The following PPARD variants were observed in gnomAD, a reference collection of about 807,000 sequenced individuals.
PPARD encodes peroxisome proliferator activated receptor delta.
A neutral mutation model predicts 39.5 loss-of-function variants in PPARD; 6 were observed. That is an observed-to-expected ratio of 0.15 (90% confidence interval 0.08 to 0.30). The LOEUF (loss-of-function observed/expected upper bound fraction) is 0.30, where lower values mean the gene tolerates loss of function less well. Ranked by LOEUF, PPARD falls within the 10% of genes least tolerant of loss-of-function variation. The pLI, the probability that PPARD is intolerant of heterozygous loss-of-function variation, is 1.00. For synonymous variants in PPARD, 210 were observed against 231.3 expected (o/e 0.91, Z 0.83); for missense variants, 397 against 596.8 (o/e 0.67, Z 3.49).
intron 2 of PPARD, among the ~76,000 whole-genome samples, chr6:35,380,562 C>T (rs1401230712): frequency 7.2e-6 from 1 of 138,050 alleles, no homozygotes; most frequent in Non-Finnish European, 1.5e-5. Context: ...AATCTCGGCT[C>T]ACTGCAGCCT....
chr6:35,413,270 G>A (rs776071523), intron 3 of PPARD, among the ~76,000 whole-genome samples: 2 of 152,182 alleles, frequency 1.3e-5, no homozygotes, highest in Non-Finnish European at 2.9e-5. Context: ...AGGGCACAGC[G>A]GGAAACGTCC....
At chr6:35,406,570 C>G (rs1411236310) in intron 2 of PPARD, among the ~76,000 whole-genome samples, 1 of 152,180 alleles carries the variant, frequency 6.6e-6, no homozygotes, top group Admixed American at 6.5e-5. Flanking sequence ...TTTAGAACAG[C>G]CAGGCTACAG....
chr6:35,399,153 AGCACTTT>A (rs1349736935), intron 2 of PPARD, among the ~76,000 whole-genome samples: 1 of 152,132 alleles, frequency 6.6e-6, no homozygotes, highest in Non-Finnish European at 1.5e-5. Flanking sequence ...CTGTAATCCC[AGCACTTT>A]GGGAGGCCGA....
At chr6:35,404,033 G>C (rs1283372410) in intron 2 of PPARD, among the ~76,000 whole-genome samples, 6 of 152,200 alleles carry the variant, frequency 3.9e-5, no homozygotes, top group Non-Finnish European at 8.8e-5. Context: ...GTTCTTGACA[G>C]AAACAGCTGG....
At chr6:35,367,391 A>G (rs1021778214) in intron 2 of PPARD, among the ~76,000 whole-genome samples, 4 of 152,154 alleles carry the variant, frequency 2.6e-5, no homozygotes, top group African/African-American at 7.2e-5. Flanking sequence ...GCAGATAGTG[A>G]TGGTAACTGG....
At chr6:35,406,508 G>A (rs1158199113) in intron 2 of PPARD, among the ~76,000 whole-genome samples, 1 of 152,194 alleles carries the variant, frequency 6.6e-6, no homozygotes, top group Non-Finnish European at 1.5e-5. Context: ...GGGATGGGCT[G>A]CAGCACAGCA....
intron 2 of PPARD, among the ~76,000 whole-genome samples, chr6:35,351,374 TGTTAGAA>T (rs1761241334): frequency 6.6e-6 from 1 of 152,208 alleles, no homozygotes. Flanking sequence ...ATGTTTACCA[TGTTAGAA>T]GTTATAATAG....
At chr6:35,361,019 C>T (rs1349537916) in intron 2 of PPARD, among the ~76,000 whole-genome samples, 1 of 152,170 alleles carries the variant, frequency 6.6e-6, no homozygotes, top group African/African-American at 2.4e-5. Context: ...GCTGGGAGGG[C>T]AGGCGAGACA....
At chr6:35,392,893 C>T (rs1764098620) in intron 2 of PPARD, among the ~76,000 whole-genome samples, 1 of 152,118 alleles carries the variant, frequency 6.6e-6, no homozygotes, top group Non-Finnish European at 1.5e-5. Context: ...CTCATGTTAC[C>T]CTGGTGTCCT....
chr6:35,397,957 A>C (rs1764444696), intron 2 of PPARD, among the ~76,000 whole-genome samples: 2 of 152,142 alleles, frequency 1.3e-5, no homozygotes, highest in African/African-American at 2.4e-5. Flanking sequence ...TTAGCTAGAG[A>C]GAAAAGCCGC....
intron 2 of PPARD, among the ~76,000 whole-genome samples, chr6:35,407,569 G>A (rs568482939): frequency 8.6e-5 from 13 of 151,780 alleles, no homozygotes; most frequent in Non-Finnish European, 2.9e-5. Flanking sequence ...GCTAAATGAC[G>A]AGTTAATGGG....
chr6:35,401,556 A>G lies in PPARD; in HGVS notation c.-101-9431A>G, dbSNP rs1267369014. Among the ~76,000 whole-genome samples the G allele has an allele frequency of 2.6e-5, 4 of 151,214 alleles. No homozygotes were observed. The highest frequency in any genetic ancestry group is 6.6e-5 in the Admixed American group (1 of 15,170). On this transcript the variant is annotated intron_variant, in intron 2 of 7. Coordinates refer to ENST00000360694, the MANE Select transcript of PPARD (RefSeq NM_006238.5). The surrounding 1 kb of genome is among the most constrained non-coding windows in gnomAD (Gnocchi z 4.1). ...ACCTCTAGCCACAGCCCTTCTCTCT[A>G]CCCACAGACAGCCCAGGTCCTCATT...
intron 2 of PPARD, among the ~76,000 whole-genome samples, chr6:35,398,622 A>C (rs1196169151): frequency 1.3e-5 from 2 of 152,204 alleles, no homozygotes; most frequent in Non-Finnish European, 2.9e-5. Flanking sequence ...AGACCTTTAG[A>C]GATTAGGAAG....
chr6:35,355,698 G>A (rs1368685394), intron 2 of PPARD, among the ~76,000 whole-genome samples: 19 of 121,558 alleles, frequency 1.6e-4, no homozygotes, highest in South Asian at 1.2e-3. Context: ...TGCAAGCTCC[G>A]CCTCCCAGGT....
At chr6:35,404,281 T>G (rs1473891456) in intron 2 of PPARD, among the ~76,000 whole-genome samples, 1 of 152,174 alleles carries the variant, frequency 6.6e-6, no homozygotes, top group Non-Finnish European at 1.5e-5. Flanking sequence ...TCCACGTCAG[T>G]TAAATGGAGA....
rs577874210 is a variant in PPARD, at chr6:35,390,674, A to T, written c.-101-20313A>T. Among the ~76,000 whole-genome samples the T allele has an allele frequency of 4.1e-5, 6 of 147,520 alleles. No homozygotes were observed. The East Asian group carries it at 5.9e-4, about 15-fold the overall frequency. ...GATAAAATTTCAGAGGTGTTTCTGTAAAAAAAAAAGAAAGAAAAGAAAAAG... is the reference window on the plus strand; with the variant it reads ...GATAAAATTTCAGAGGTGTTTCTGTTAAAAAAAAAGAAAGAAAAGAAAAAG... On this transcript the variant is annotated intron_variant, in intron 2 of 7. Transcript: ENST00000360694.
chr6:35,410,382 A>G (rs994569298), intron 2 of PPARD, among the ~76,000 whole-genome samples: 5 of 152,332 alleles, frequency 3.3e-5, no homozygotes, highest in Admixed American at 3.3e-4. Context: ...CACCTTGGAA[A>G]GACTCCAGGA....
chr6:35,369,690 G>A (rs9296148), intron 2 of PPARD, among the ~76,000 whole-genome samples: 34,818 of 152,150 alleles, frequency 0.23, 8,798 homozygotes, highest in African/African-American at 0.63. Flanking sequence ...ATAGCAGAGC[G>A]GTATTCATTC....
chr6:35,410,132 C>T (rs868260039), intron 2 of PPARD, among the ~76,000 whole-genome samples: 2 of 152,216 alleles, frequency 1.3e-5, no homozygotes, highest in African/African-American at 2.4e-5. Flanking sequence ...TTTGAGCTGT[C>T]GGTAAAATAT....
Sources: allele counts gnomAD v4.1 joint callset (sites outside exome capture counted in the v4.1 genomes callset), GRCh38; gene constraint gnomAD v4.1.1; non-coding constraint Gnocchi (gnomAD v3.1); transcripts MANE v1.5; gene names NCBI Gene and HGNC (gene_info 2026-07-23, HGNC 2026-07-21).